Variants in UBE2D1 observed in about 807,000 individuals in gnomAD.
UBE2D1 encodes ubiquitin-conjugating enzyme E2 D1.
In UBE2D1, 9 loss-of-function variants were observed where a neutral mutation model predicts 24.6. That is an observed-to-expected ratio of 0.37 (90% CI 0.22 to 0.64). UBE2D1 has a LOEUF of 0.64. UBE2D1 is among the 30% of genes least tolerant of loss of function. The pLI, the probability that UBE2D1 is intolerant of heterozygous loss-of-function variation, is 0.64. For missense variants in UBE2D1, 87 were observed against 177.1 expected, an observed-to-expected ratio of 0.49 and a Z score of 2.89; for synonymous variants, 57 against 57.6, an observed-to-expected ratio of 0.99 and a Z score of 0.04.
intron 3 of UBE2D1, 30 bp downstream of exon 3, chr10:58,361,556 C>A (rs1393770271): frequency 6.2e-7 from 1 of 1,613,116 alleles, no homozygotes; most frequent in Non-Finnish European, 8.5e-7. Context: ...ATGAAATTAA[C>A]CCCCTCAGCC....
intron 1 of UBE2D1, among the ~76,000 whole-genome samples, chr10:58,337,492 G>A (rs191688225): frequency 3.3e-5 from 5 of 152,238 alleles, no homozygotes; most frequent in South Asian, 4.1e-4. Context: ...AATCTTTCAT[G>A]TTCCAACAAA....
intron 1 of UBE2D1, among the ~76,000 whole-genome samples, chr10:58,347,319 A>G (rs1840027414): frequency 6.6e-6 from 1 of 152,232 alleles, no homozygotes; most frequent in South Asian, 2.1e-4. Context: ...TTGAATTACT[A>G]GAACGAATAA....
intron 6 of UBE2D1, 188 bp from the exon 7 acceptor site, chr10:58,368,532 C>A (rs896578938): frequency 5.3e-5 from 20 of 377,830 alleles, no homozygotes; most frequent in African/African-American, 4.2e-4. Context: ...CAGAGAAATC[C>A]ATGAGTTAAA....
At chr10:58,344,233 A>G (rs1367467996) in intron 1 of UBE2D1, among the ~76,000 whole-genome samples, 1 of 152,208 alleles carries the variant, frequency 6.6e-6, no homozygotes, top group Non-Finnish European at 1.5e-5. Context: ...AAATGGCCTT[A>G]ATACAGTACT....
chr10:58,367,483 GA>G (rs1290814517), intron 5 of UBE2D1, among the ~76,000 whole-genome samples: 1 of 151,870 alleles, frequency 6.6e-6, no homozygotes, highest in African/African-American at 2.4e-5. Context: ...AAGATTCATT[GA>G]AAAAAATTTT....
chr10:58,348,642 A>C (rs1392124778), intron 1 of UBE2D1, among the ~76,000 whole-genome samples: 2 of 152,180 alleles, frequency 1.3e-5, no homozygotes, highest in Non-Finnish European at 2.9e-5. Flanking sequence ...GGAGATTTAG[A>C]TCTTCTGACT....
intron 1 of UBE2D1, among the ~76,000 whole-genome samples, chr10:58,347,511 A>G (rs1179193038): frequency 6.6e-6 from 1 of 152,194 alleles, no homozygotes; most frequent in Non-Finnish European, 1.5e-5. Flanking sequence ...TAGAGGCAAG[A>G]TAGCATTTTG....
intron 1 of UBE2D1, among the ~76,000 whole-genome samples, chr10:58,352,234 AGCACTTTT>A (rs1313393419): frequency 6.6e-6 from 1 of 152,126 alleles, no homozygotes; most frequent in East Asian, 1.9e-4. Flanking sequence ...CAAAAGTGGA[AGCACTTTT>A]GTTTGCCTGA....
Position 58,368,885 on chromosome 10 carries a change from C to A in UBE2D1, c.*120C>A. 3 of 574,936 alleles carry A rather than the reference C, an allele frequency of 5.2e-6. No homozygotes were observed. The highest frequency in any genetic ancestry group is 4.5e-5 in the South Asian group (1 of 22,056). 35.6% of individuals were successfully genotyped at this position (574,936 alleles called of 1,614,324 possible). ...TACCATGAAACCATTTGATTTTTAC[C>A]CATTTTAAATGTGTTTCTGAAGCAA... is the stretch of plus-strand genomic sequence containing the variant. On this transcript the variant is annotated 3_prime_UTR_variant, in exon 7 of 7. Coordinates refer to ENST00000373910, the MANE Select transcript of UBE2D1 (RefSeq NM_003338.5).
At chr10:58,367,463 A>G (rs117871247) in intron 5 of UBE2D1, among the ~76,000 whole-genome samples, 5,520 of 152,242 alleles carry the variant, frequency 0.036, 148 homozygotes, top group Non-Finnish European at 0.051. Context: ...CAAATAAACT[A>G]CATTAAGTAA....
intron 3 of UBE2D1, among the ~76,000 whole-genome samples, chr10:58,361,795 C>CTTT (rs770860227): frequency 2.3e-5 from 3 of 131,354 alleles, no homozygotes; most frequent in Admixed American, 7.6e-5. Flanking sequence ...GTGTGTTTAT[C>CTTT]TTTTTTTTTT....
chr10:58,361,365 C>T lies in UBE2D1; in HGVS notation c.52C>T (p.Pro18Ser). 6.2e-7 allele frequency: 1 copy of T among 1,614,202 alleles called. No homozygotes were observed. Among genetic ancestry groups the T allele is most frequent in the Admixed American group, 1.7e-5 (1 of 60,022 alleles). Reference sequence around the variant, plus strand: ...ATTGAGTGATCTACAGCGCGATCCACCTGCTCACTGTTCAGCTGGACCTGT... The same window carrying T: ...ATTGAGTGATCTACAGCGCGATCCATCTGCTCACTGTTCAGCTGGACCTGT... ...KELSDLQRDP[P>S]AHCSAGPVGD... Residue 18 changes from proline to serine, a missense_variant, in exon 2 of 7, where the codon CCT (proline) becomes TCT (serine). Transcript: ENST00000373910.
intron 1 of UBE2D1, among the ~76,000 whole-genome samples, chr10:58,342,690 C>T (rs955480147): frequency 1.3e-5 from 2 of 151,666 alleles, no homozygotes; most frequent in Admixed American, 6.6e-5. Context: ...TTTAGAAATA[C>T]GTTATTTATT....
intron 1 of UBE2D1, among the ~76,000 whole-genome samples, chr10:58,338,640 C>G (rs1839929287): frequency 6.6e-6 from 1 of 151,556 alleles, no homozygotes; most frequent in Non-Finnish European, 1.5e-5. Flanking sequence ...TGTTAATATC[C>G]CAATACCAAA....
intron 1 of UBE2D1, among the ~76,000 whole-genome samples, chr10:58,354,949 A>G (rs1344185127): frequency 1.3e-5 from 2 of 152,216 alleles, no homozygotes; most frequent in African/African-American, 4.8e-5. Context: ...AAAAATAACT[A>G]TATTTTCCAA....
At chr10:58,342,457 C>A (rs1442497886) in intron 1 of UBE2D1, among the ~76,000 whole-genome samples, 2 of 152,162 alleles carry the variant, frequency 1.3e-5, no homozygotes, top group East Asian at 3.9e-4. Context: ...GGTGGCCACC[C>A]TCCTTATGCG....
At position 58,335,142 on chromosome 10, in the gene UBE2D1, C is replaced by G. The variant is rs373601669; in HGVS notation, c.-60C>G. On this transcript the variant is annotated 5_prime_UTR_variant, in exon 1 of 7. Coordinates refer to ENST00000373910, the MANE Select transcript of UBE2D1 (RefSeq NM_003338.5). ...AGCGAGCCCAACCCGCGACGACCCA[C>G]GCCCCTGAGCCCCGCAGCCGACCCC... 2.0e-6 allele frequency: 3 copies of G among 1,523,264 alleles called. No homozygotes were observed. Among genetic ancestry groups the G allele is most frequent in the East Asian group, 2.5e-5 (1 of 39,252 alleles). 94.4% of individuals were successfully genotyped at this position (1,523,264 alleles called of 1,614,324 possible). A position where few individuals can be genotyped will look rare whatever the true frequency, so the allele number is the denominator to read the frequency against.
At chr10:58,367,247 G>A (rs1840265753) in intron 5 of UBE2D1, among the ~76,000 whole-genome samples, 1 of 152,018 alleles carries the variant, frequency 6.6e-6, no homozygotes, top group Admixed American at 6.6e-5. Flanking sequence ...AATTGAAGCA[G>A]ACAAATGAGG....
chr10:58,359,610 A>G (rs1228544885), intron 1 of UBE2D1, among the ~76,000 whole-genome samples: 6 of 152,238 alleles, frequency 3.9e-5, no homozygotes, highest in Admixed American at 3.9e-4. Context: ...AATGGCATCC[A>G]CATTCGTACA....
Sources: allele counts gnomAD v4.1 joint callset (sites outside exome capture counted in the v4.1 genomes callset), GRCh38; gene constraint gnomAD v4.1.1; transcripts MANE v1.5; gene names NCBI Gene and HGNC (gene_info 2026-07-23, HGNC 2026-07-21).